The following ADAM10 variants were observed in gnomAD, a reference collection of about 807,000 sequenced individuals.
The protein encoded by ADAM10 is disintegrin and metalloproteinase domain-containing protein 10.
In ADAM10, 17 loss-of-function variants were observed where a neutral mutation model predicts 90.1. That is an observed-to-expected ratio of 0.19 (90% CI 0.13 to 0.28). The LOEUF (loss-of-function observed/expected upper bound fraction) is 0.28. Ranked by LOEUF, ADAM10 falls within the 10% of genes least tolerant of loss-of-function variation. ADAM10 has a pLI of 1.00. For missense variants in ADAM10, 610 were observed against 914.3 expected (o/e 0.67, Z 4.29); for synonymous variants, 310 against 298.6 (o/e 1.04, Z -0.40).
intron 2 of ADAM10, among the ~76,000 whole-genome samples, chr15:58,712,058 A>C (rs1898490936): frequency 6.6e-6 from 1 of 152,194 alleles, no homozygotes; most frequent in Non-Finnish European, 1.5e-5. Context: ...CTTGCAATGA[A>C]GTTTTTCTCA....
rs939340131 is a variant in ADAM10, at chr15:58,738,806, T to C, written c.55+10674A>G. Among the ~76,000 whole-genome samples, 3 of 152,242 alleles carry C rather than the reference T, an allele frequency of 2.0e-5. No individual in the cohort carries two copies. The East Asian group carries it at 5.8e-4, about 29-fold the overall frequency. ...GCTGATTTGAAATTCTTTTATACAATCTTTTTTTATTCTTTTTTTCTGAAC... is the reference window on the plus strand; with the variant it reads ...GCTGATTTGAAATTCTTTTATACAACCTTTTTTTATTCTTTTTTTCTGAAC... On this transcript the variant is annotated intron_variant, in intron 1 of 15. Coordinates refer to ENST00000260408, the MANE Select transcript of ADAM10 (RefSeq NM_001110.4).
rs749795393 is a variant in ADAM10 at position 58,698,265 on chromosome 15, G to A, written c.207-15951C>T. ...TAAGAAATCATAAAATTTAGAATAC[G>A]AATGAGAAATTTACCAAAGACAGAT... On this transcript the variant is annotated intron_variant, in intron 2 of 15. Transcript: ENST00000260408. 1.7e-4 allele frequency: 75 copies of A among 450,092 alleles called. 1 individual carries two copies. The highest frequency in any genetic ancestry group is 1.0e-3 in the South Asian group (64 of 63,606). The allele number at this position is 450,092 out of a possible 1,614,324, so 27.9% of individuals were successfully genotyped here. A position where few individuals can be genotyped will look rare whatever the true frequency, so the allele number is the denominator to read the frequency against.
intron 2 of ADAM10, chr15:58,692,829 G>T (rs1189900149): frequency 1.2e-5 from 8 of 651,332 alleles, no homozygotes; most frequent in Admixed American, 3.6e-5. Flanking sequence ...CAATCATGGA[G>T]ATTTCTGCAC....
At chr15:58,640,653 A>T in intron 8 of ADAM10, 124 bp downstream of exon 8, 1 of 932,418 alleles carries the variant, frequency 1.1e-6, no homozygotes, top group Non-Finnish European at 1.6e-6. Context: ...GCCTAACTCA[A>T]GTAGCATAAA....
intron 2 of ADAM10, among the ~76,000 whole-genome samples, chr15:58,688,976 G>GA (rs1199566622): frequency 5.5e-5 from 8 of 145,366 alleles, no homozygotes; most frequent in Non-Finnish European, 1.2e-4. Flanking sequence ...AGAGGAGACA[G>GA]AAAAAAAAAT....
rs1596022295 is a variant in ADAM10 at position 58,644,117 on chromosome 15, A to C, written c.736-139T>G. On this transcript the variant is annotated intron_variant, in intron 6 of 15. Coordinates refer to ENST00000260408, the MANE Select transcript of ADAM10 (RefSeq NM_001110.4). ...AATGTCAACATTATATACTGGACATAAATATAAAAAAGATTAGTGAGCTGC... is the reference window on the plus strand; with the variant it reads ...AATGTCAACATTATATACTGGACATCAATATAAAAAAGATTAGTGAGCTGC... The C allele has an allele frequency of 2.7e-5, 18 of 671,648 alleles. No homozygotes were observed. The East Asian group carries it at 4.9e-4, about 18-fold the overall frequency. 41.6% of individuals were successfully genotyped at this position (671,648 alleles called of 1,614,324 possible).
At chr15:58,723,177 C>T (rs1158544123) in intron 1 of ADAM10, among the ~76,000 whole-genome samples, 1 of 152,066 alleles carries the variant, frequency 6.6e-6, no homozygotes, top group African/African-American at 2.4e-5. Context: ...GCACACTGGA[C>T]TTCTGATGTT....
chr15:58,679,407 G>A (rs1897369170), intron 3 of ADAM10, 125 bp from the exon 4 acceptor site: 1 of 803,414 alleles, frequency 1.2e-6, no homozygotes, highest in East Asian at 2.7e-5. Context: ...CATATATATG[G>A]TTAAATCTTG....
intron 5 of ADAM10, among the ~76,000 whole-genome samples, chr15:58,654,168 C>T (rs1309027435): frequency 6.6e-6 from 1 of 150,954 alleles, no homozygotes; most frequent in Non-Finnish European, 1.5e-5. Flanking sequence ...TTTCTTTGAT[C>T]TTTTATACTG....
intron 2 of ADAM10, among the ~76,000 whole-genome samples, chr15:58,685,157 A>C (rs1337277987): frequency 8.6e-6 from 1 of 116,892 alleles, no homozygotes; most frequent in East Asian, 3.7e-4. Flanking sequence ...AAGTTATATT[A>C]AGTAAAAAAA....
intron 2 of ADAM10, among the ~76,000 whole-genome samples, chr15:58,716,135 T>C (rs1037141627): frequency 6.6e-6 from 1 of 152,150 alleles, no homozygotes; most frequent in East Asian, 1.9e-4. Flanking sequence ...ATACGGAAAA[T>C]ACATTAATTT....
At chr15:58,659,684 T>A (rs1207848854) in intron 5 of ADAM10, among the ~76,000 whole-genome samples, 2 of 152,208 alleles carry the variant, frequency 1.3e-5, no homozygotes, top group Non-Finnish European at 2.9e-5. Context: ...ATGTCTCTGG[T>A]ATGACTATCA....
In ADAM10 at chr15:58,691,608, T is replaced by C. The variant is rs748034008; in HGVS notation, c.207-9294A>G. 8.6e-6 allele frequency: 4 copies of C among 465,336 alleles called. No homozygotes were observed. In the East Asian group the frequency reaches 1.8e-4, roughly 21 times the overall value. The allele number at this position is 465,336 out of a possible 1,614,324, so 28.8% of individuals were successfully genotyped here. A position where few individuals can be genotyped will look rare whatever the true frequency, so the allele number is the denominator to read the frequency against. ...CCACGAGATTTTAGAGAATACCTCA[T>C]CTAATTTCTTGTTATTCTCCTTGTC... On this transcript the variant is annotated intron_variant, in intron 2 of 15. Coordinates refer to ENST00000260408, the MANE Select transcript of ADAM10 (RefSeq NM_001110.4).
intron 3 of ADAM10, among the ~76,000 whole-genome samples, chr15:58,679,767 G>T (rs1193535062): frequency 1.3e-5 from 2 of 152,048 alleles, no homozygotes; most frequent in African/African-American, 4.8e-5. Context: ...CATTAGCTGG[G>T]CCTGGTGGCA....
At chr15:58,635,722 T>C (rs1248310721) in intron 8 of ADAM10, among the ~76,000 whole-genome samples, 1 of 151,862 alleles carries the variant, frequency 6.6e-6, no homozygotes, top group Admixed American at 6.6e-5. Context: ...CATGTGCAAA[T>C]TGGTCCAATG....
At chr15:58,698,411 A>AAAT (rs1383137779) in intron 2 of ADAM10, 1 of 330,988 alleles carries the variant, frequency 3.0e-6, no homozygotes, top group Non-Finnish European at 5.8e-6. Context: ...ATCTCTAAAA[A>AAAT]AAAAAAAAAA....
intron 14 of ADAM10, among the ~76,000 whole-genome samples, chr15:58,601,120 CAAACTT>C (rs1265821411): frequency 6.6e-6 from 1 of 152,102 alleles, no homozygotes; most frequent in Non-Finnish European, 1.5e-5. Flanking sequence ...GAAAGAGTCT[CAAACTT>C]AAAGAAAAGT....
chr15:58,657,014 C>T (rs957071191), intron 5 of ADAM10, among the ~76,000 whole-genome samples: 1 of 152,176 alleles, frequency 6.6e-6, no homozygotes, highest in Admixed American at 6.5e-5. Flanking sequence ...ACATGTCATG[C>T]CACTCTCTCC....
intron 1 of ADAM10, among the ~76,000 whole-genome samples, chr15:58,723,978 C>A (rs938791731): frequency 4.6e-5 from 7 of 152,040 alleles, no homozygotes; most frequent in African/African-American, 1.4e-4. Flanking sequence ...CACCTGTAAT[C>A]CCAGCACTAT....
Sources: allele counts gnomAD v4.1 joint callset (sites outside exome capture counted in the v4.1 genomes callset), GRCh38; gene constraint gnomAD v4.1.1; transcripts MANE v1.5; gene names NCBI Gene and HGNC (gene_info 2026-07-23, HGNC 2026-07-21).